Variants in GPN2 observed in about 807,000 individuals in gnomAD.
GPN2 encodes the protein ATP-binding domain 1 family member B.
A neutral mutation model predicts 30.1 loss-of-function variants in GPN2; 27 were observed. The ratio of observed to expected loss-of-function variants is 0.90; its 90% CI spans 0.66 to 1.24. The LOEUF (loss-of-function observed/expected upper bound fraction) is 1.24. Among genes scored for constraint, GPN2 ranks in the 50% most tolerant of loss-of-function variants. The pLI is 0.00. For missense variants in GPN2, 406 were observed against 405.4 expected (o/e 1.00, Z -0.01); for synonymous variants, 212 against 174.4 (o/e 1.22, Z -1.70).
chr1:26,889,327 T>A (rs1401252888), intron 1 of GPN2, among the ~76,000 whole-genome samples: 1 of 152,078 alleles, frequency 6.6e-6, no homozygotes, highest in Non-Finnish European at 1.5e-5. Context: ...GCACTGAGCC[T>A]CCCAGTGGGC....
At position 26,886,028 on chromosome 1, in the gene GPN2, A is replaced by G; in HGVS notation, c.674T>C (p.Leu225Pro). 6.2e-7 allele frequency: 1 copy of G among 1,612,932 alleles called. No individual in the cohort carries two copies. Among genetic ancestry groups the G allele is most frequent in the East Asian group, 2.2e-5 (1 of 44,874 alleles). The part of the protein sequence containing the change: ...FRHYRQLNEK[L>P]VQLIEDYSLV... ...GCTATAGTCTTCGATGAGCTGCACTAGCTTCTCATTGAGCTGGCGGTAGTG... is the reference window on the plus strand; with the variant it reads ...GCTATAGTCTTCGATGAGCTGCACTGGCTTCTCATTGAGCTGGCGGTAGTG... Residue 225 changes from leucine to proline, a missense_variant, in exon 3 of 5, where the codon CTA becomes CCA. Transcript: ENST00000374135.
chr1:26,881,069 T>C (rs906680818), intron 4 of GPN2, among the ~76,000 whole-genome samples: 1 of 152,206 alleles, frequency 6.6e-6, no homozygotes, highest in Non-Finnish European at 1.5e-5. Flanking sequence ...TTAAAAATAC[T>C]CTTTAAAATT....
intron 4 of GPN2, among the ~76,000 whole-genome samples, chr1:26,883,212 G>A (rs960669844): frequency 1.6e-4 from 24 of 152,274 alleles, no homozygotes; most frequent in African/African-American, 5.5e-4. Flanking sequence ...GCCCACCCAT[G>A]AACTGAAGTC....
At chr1:26,889,179 C>A in intron 1 of GPN2, 54 bp from the exon 2 acceptor site, 1 of 1,421,950 alleles carries the variant, frequency 7.0e-7, no homozygotes, top group Non-Finnish European at 9.9e-7. Flanking sequence ...GATCAGCATT[C>A]CCTCATGAGA....
rs1001524343 is a variant in GPN2 at position 26,877,449 on chromosome 1, T to G, written c.*2228A>C. 5 of 152,244 alleles carry G rather than the reference T, an allele frequency of 3.3e-5. No individual in the cohort carries two copies. Among genetic ancestry groups the G allele is most frequent in the Non-Finnish European group, 4.4e-5 (3 of 68,060 alleles). The allele number at this position is 152,244 out of a possible 1,614,324, so 9.4% of individuals were successfully genotyped here. A position where few individuals can be genotyped will look rare whatever the true frequency, so the allele number is the denominator to read the frequency against. ...CAAACCACTGGTGAACTATCTATGA[T>G]TCAGTAATACTTTACAGGTGCCTAA... On this transcript the variant is annotated 3_prime_UTR_variant, in exon 5 of 5. Coordinates refer to ENST00000374135, the MANE Select transcript of GPN2 (RefSeq NM_018066.4).
At chr1:26,888,004 A>G (rs763092175) in intron 2 of GPN2, among the ~76,000 whole-genome samples, 2 of 151,720 alleles carry the variant, frequency 1.3e-5, no homozygotes, top group South Asian at 2.1e-4. Context: ...GATTACAGGC[A>G]TGCACCACCA....
At chr1:26,881,304 C>T (rs2081863088) in intron 4 of GPN2, among the ~76,000 whole-genome samples, 2 of 152,196 alleles carry the variant, frequency 1.3e-5, no homozygotes, top group Non-Finnish European at 2.9e-5. Flanking sequence ...TCTTAGAACA[C>T]TTACGTTAGC....
In GPN2 at chr1:26,879,757, A is replaced by C. The variant is rs748877817; in HGVS notation, c.861-8T>G. 7 of 1,611,154 alleles carry C rather than the reference A, an allele frequency of 4.3e-6. No individual in the cohort carries two copies. The South Asian group carries it at 5.5e-5, about 13-fold the overall frequency. On this transcript the variant is annotated splice_region_variant and splice_polypyrimidine_tract_variant and intron_variant, in intron 4 of 4. Transcript: ENST00000374135. ...TCCTGGATGCCCAGTGTGCTGAGGAAGGGTGCGTCAAGGCTGATAGCATAG... is the reference window on the plus strand; with the variant it reads ...TCCTGGATGCCCAGTGTGCTGAGGACGGGTGCGTCAAGGCTGATAGCATAG...
intron 4 of GPN2, among the ~76,000 whole-genome samples, chr1:26,883,145 T>C (rs2081872843): frequency 6.6e-6 from 1 of 152,240 alleles, no homozygotes; most frequent in South Asian, 2.1e-4. Flanking sequence ...TTCTAAAATG[T>C]ACATCTGATT....
In GPN2 at chr1:26,890,259, A is replaced by G. The variant is rs929274475; in HGVS notation, c.-163T>C. The G allele has an allele frequency of 5.4e-5, 34 of 624,130 alleles. No individual in the cohort carries two copies. The highest frequency in any genetic ancestry group is 4.4e-4 in the Middle Eastern group (1 of 2,278). The allele number at this position is 624,130 out of a possible 1,614,324, so 38.7% of individuals were successfully genotyped here. The stretch of plus-strand genomic sequence containing the variant: ...CTGAGACCGTGTCGCGCAAAAGGAG[A>G]TAACAGGCCGATACTAACTAGACTA... On this transcript the variant is annotated 5_prime_UTR_variant, in exon 1 of 5. Coordinates refer to ENST00000374135, the MANE Select transcript of GPN2 (RefSeq NM_018066.4).
In GPN2 at chr1:26,889,120, A is replaced by G; in HGVS notation, c.417T>C (p.Thr139=). ...AGTGAGAATCCACGAGGTGGACGGC[A>G]GTCAGCTGGGAGGGAATAGACAGGG... The part of the protein sequence containing the change: ...SQMAQWDLRL[T]AVHLVDSHYC... The change falls in exon 2 of 5, where the codon ACT becomes ACC. Residue 139 remains threonine, a synonymous_variant. Transcript: ENST00000374135. 6.2e-7 allele frequency: 1 copy of G among 1,613,466 alleles called. No individual in the cohort carries two copies. Among genetic ancestry groups the G allele is most frequent in the South Asian group, 1.1e-5 (1 of 91,050 alleles).
Position 26,889,179 on chromosome 1 carries a change from C to G in GPN2, c.412-54G>C, listed in dbSNP as rs114478878. The stretch of plus-strand genomic sequence containing the variant: ...GCCTGGAGAAACAGGGATCAGCATT[C>G]CCTCATGAGAATGAGGGCTTGAGGA... On this transcript the variant is annotated intron_variant, in intron 1 of 4. Transcript: ENST00000374135. 7.3e-4 allele frequency: 1,038 copies of G among 1,421,940 alleles called. 7 individuals carry two copies. In the African/African-American group the frequency reaches 0.013, roughly 18 times the overall value. 88.1% of individuals were successfully genotyped at this position (1,421,940 alleles called of 1,614,324 possible).
At position 26,879,399 on chromosome 1, in the gene GPN2, A is replaced by G; in HGVS notation, c.*278T>C. On this transcript the variant is annotated 3_prime_UTR_variant, in exon 5 of 5. Transcript: ENST00000374135. ...CAAAAAGTAGAAAATAAACTCTTGT[A>G]TTGTAGCACATTTCATCACAGCCTG... 1 of 439,240 alleles carries G rather than the reference A, an allele frequency of 2.3e-6. No individual in the cohort carries two copies. The highest frequency in any genetic ancestry group is 4.2e-6 in the Non-Finnish European group (1 of 238,722). The allele number at this position is 439,240 out of a possible 1,614,324, so 27.2% of individuals were successfully genotyped here. A position where few individuals can be genotyped will look rare whatever the true frequency, so the allele number is the denominator to read the frequency against.
intron 3 of GPN2, 94 bp downstream of exon 3, chr1:26,885,879 G>A (rs182848293): frequency 2.2e-5 from 23 of 1,023,510 alleles, no homozygotes; most frequent in Middle Eastern, 3.2e-4. Flanking sequence ...GCGCCCAGCC[G>A]GCAAAGACCA....
chr1:26,887,107 T>C (rs1259880039), intron 2 of GPN2, among the ~76,000 whole-genome samples: 1 of 152,012 alleles, frequency 6.6e-6, no homozygotes, highest in Non-Finnish European at 1.5e-5. Context: ...CCTCAGGACC[T>C]GGCACATACA....
chr1:26,889,060 C>A lies in GPN2; in HGVS notation c.477G>T (p.Leu159=). 1 of 1,614,006 alleles carries A rather than the reference C, an allele frequency of 6.2e-7. No individual in the cohort carries two copies. The highest frequency in any genetic ancestry group is 8.5e-7 in the Non-Finnish European group (1 of 1,179,824). ...CTDPAKFISV[L]CTSLATMLHV... The stretch of plus-strand genomic sequence containing the variant: ...GCAGCATGGTGGCCAGGGAGGTACA[C>A]AGTACTGAAATGAACTTGGCAGGGT... The change falls in exon 2 of 5, where the codon CTG becomes CTT. Residue 159 remains leucine (L), a synonymous_variant. Coordinates refer to ENST00000374135, the MANE Select transcript of GPN2 (RefSeq NM_018066.4).
chr1:26,889,029 C>G lies in GPN2; in HGVS notation c.508G>C (p.Glu170Gln). 1 of 1,614,182 alleles carries G rather than the reference C, an allele frequency of 6.2e-7. No homozygotes were observed. Among genetic ancestry groups the G allele is most frequent in the African/African-American group, 1.3e-5 (1 of 75,070 alleles). ...GAAAGGAGGTTGATGTGGGGCAGTTCCACGTGCAGCATGGTGGCCAGGGAG... is the reference window on the plus strand; with the variant it reads ...GAAAGGAGGTTGATGTGGGGCAGTTGCACGTGCAGCATGGTGGCCAGGGAG... ...CTSLATMLHVELPHINLLSKM... is the reference protein window; with the variant it reads ...CTSLATMLHVQLPHINLLSKM... Residue 170 changes from glutamate to glutamine, a missense_variant, in exon 2 of 5, where the codon GAA becomes CAA. Glu to Gln is a conservative substitution (Grantham distance 29). Transcript: ENST00000374135.
intron 2 of GPN2, among the ~76,000 whole-genome samples, chr1:26,888,616 CAG>C (rs1570694906): frequency 1.3e-5 from 2 of 152,336 alleles, no homozygotes; most frequent in Admixed American, 6.5e-5. Flanking sequence ...AACTGAGGTC[CAG>C]AGAGATGAAC....
At chr1:26,879,798 CT>C in intron 4 of GPN2, 49 bp from the exon 5 acceptor site, 1 of 1,324,458 alleles carries the variant, frequency 7.6e-7, no homozygotes, top group Non-Finnish European at 1.1e-6. Context: ...GGATGGGGAG[CT>C]GGTCTGGGCA....
Sources: gnomAD v4.1 joint callset for allele counts (sites outside exome capture counted in the v4.1 genomes callset) on GRCh38, gnomAD v4.1.1 for gene constraint, MANE v1.5 for transcripts, NCBI Gene and HGNC (gene_info 2026-07-23, HGNC 2026-07-21) for gene names.